The following XRCC5 variants were observed in gnomAD, a reference collection of about 807,000 sequenced individuals.
XRCC5 encodes the protein DNA repair protein Ku80.
Under a neutral mutation model 95.7 loss-of-function variants are expected in XRCC5, and 12 were observed. The observed-to-expected ratio is 0.13, with a 90% CI of 0.08 to 0.20. XRCC5 has a LOEUF of 0.20. Ranked by LOEUF, XRCC5 falls within the 10% of genes least tolerant of loss-of-function variation. The probability of loss-of-function intolerance (pLI) is 1.00; values close to 1 mark genes in which losing one functional copy is unlikely to be tolerated. For synonymous variants in XRCC5, 281 were observed against 290.3 expected, an observed-to-expected ratio of 0.97 and a Z score of 0.33; for missense variants, 595 against 873.9, an observed-to-expected ratio of 0.68 and a Z score of 4.02.
intron 9 of XRCC5, 161 bp downstream of exon 9, chr2:216,131,148 T>G (rs1696988254): frequency 1.0e-6 from 1 of 982,748 alleles, no homozygotes. Context: ...TTTTATACAT[T>G]GGGAAACTGA....
chr2:216,192,521 A>G (rs1008133067), intron 17 of XRCC5, 118 bp from the exon 18 acceptor site: 15 of 565,460 alleles, frequency 2.7e-5, no homozygotes, highest in Non-Finnish European at 3.8e-5. Context: ...AAAGAAGAAC[A>G]TTTTATTTTT....
chr2:216,186,928 A>G (rs1355812640), intron 16 of XRCC5, among the ~76,000 whole-genome samples: 7 of 152,216 alleles, frequency 4.6e-5, no homozygotes, highest in African/African-American at 1.7e-4. Flanking sequence ...TAAAAATGGC[A>G]GGGAAATGTG....
intron 12 of XRCC5, among the ~76,000 whole-genome samples, 171 bp from the exon 13 acceptor site, chr2:216,141,015 G>A (rs1234893820): frequency 1.3e-5 from 2 of 152,172 alleles, no homozygotes; most frequent in Admixed American, 1.3e-4. Flanking sequence ...ATCTTTTCAT[G>A]GATAAGAAAA....
At chr2:216,168,169 T>A (rs1028367051) in intron 16 of XRCC5, among the ~76,000 whole-genome samples, 1 of 152,154 alleles carries the variant, frequency 6.6e-6, no homozygotes, top group Non-Finnish European at 1.5e-5. Flanking sequence ...GCCTTTAAGG[T>A]GTTGTTCATC....
chr2:216,161,588 G>A (rs1387339901), intron 15 of XRCC5, among the ~76,000 whole-genome samples: 1 of 152,200 alleles, frequency 6.6e-6, no homozygotes, highest in East Asian at 1.9e-4. Context: ...ATCTTAGTGG[G>A]GCAAATCTAT....
chr2:216,148,286 T>A lies in XRCC5; in HGVS notation c.1670+10T>A. On this transcript the variant is annotated intron_variant, in intron 14 of 20. Coordinates refer to ENST00000392132, the MANE Select transcript of XRCC5 (RefSeq NM_021141.4). ...AAATTTTCCAAGACAAGTAAGTACTTGGTATAGTTGCATTTAACATTGGGG... is the reference window on the plus strand; with the variant it reads ...AAATTTTCCAAGACAAGTAAGTACTAGGTATAGTTGCATTTAACATTGGGG... 1 of 1,600,492 alleles carries A rather than the reference T, an allele frequency of 6.2e-7. No homozygotes were observed.
intron 16 of XRCC5, among the ~76,000 whole-genome samples, chr2:216,172,469 CTTT>C (rs746493174): frequency 9.3e-6 from 1 of 107,788 alleles, no homozygotes; most frequent in Non-Finnish European, 1.8e-5. Context: ...CTTTTCTTTT[CTTT>C]TTTTTTTTTT....
At chr2:216,121,465 CTG>C (rs1696809354) in intron 5 of XRCC5, among the ~76,000 whole-genome samples, 1 of 152,198 alleles carries the variant, frequency 6.6e-6, no homozygotes. Context: ...TGCCTTATTG[CTG>C]TGTCATCCCA....
At chr2:216,204,516 C>T in intron 20 of XRCC5, 120 bp downstream of exon 20, 1 of 995,902 alleles carries the variant, frequency 1.0e-6, no homozygotes, top group Non-Finnish European at 1.6e-6. Flanking sequence ...TTCCAATACA[C>T]CAGAAGCTTC....
chr2:216,125,785 G>A (rs1046058199), intron 6 of XRCC5, 132 bp from the exon 7 acceptor site: 9 of 670,918 alleles, frequency 1.3e-5, no homozygotes, highest in African/African-American at 9.0e-5. Context: ...GTTGTTTTCC[G>A]GCCATCTCCT....
chr2:216,187,576 T>C (rs1380718855), intron 16 of XRCC5, among the ~76,000 whole-genome samples: 1 of 151,414 alleles, frequency 6.6e-6, no homozygotes, highest in African/African-American at 2.4e-5. Flanking sequence ...TGGTTTTTTG[T>C]TTTGCTTTGT....
intron 13 of XRCC5, among the ~76,000 whole-genome samples, chr2:216,142,404 A>G (rs903525029): frequency 6.6e-6 from 1 of 152,216 alleles, no homozygotes; most frequent in African/African-American, 2.4e-5. Flanking sequence ...AATATAAAAA[A>G]TCTTCTGAAT....
chr2:216,197,236 T>C (rs1460533717), intron 19 of XRCC5, among the ~76,000 whole-genome samples: 1 of 152,140 alleles, frequency 6.6e-6, no homozygotes, highest in African/African-American at 2.4e-5. Flanking sequence ...TGTCTAATGA[T>C]GAAGCTATAG....
chr2:216,152,645 T>C (rs1383345992), intron 14 of XRCC5, among the ~76,000 whole-genome samples: 2 of 151,174 alleles, frequency 1.3e-5, no homozygotes, highest in South Asian at 4.2e-4. Flanking sequence ...TCCTTTTTTT[T>C]CTTGTTTTTT....
At chr2:216,142,519 G>A (rs1462870527) in intron 13 of XRCC5, among the ~76,000 whole-genome samples, 2 of 152,160 alleles carry the variant, frequency 1.3e-5, no homozygotes, top group Non-Finnish European at 2.9e-5. Flanking sequence ...GACCAAGGTT[G>A]AAGGAGAAAG....
At chr2:216,172,464 C>CTTTTTTTTTTTTTT (rs1689183461) in intron 16 of XRCC5, among the ~76,000 whole-genome samples, 2 of 70,350 alleles carry the variant, frequency 2.8e-5, no homozygotes, top group African/African-American at 6.5e-5. Flanking sequence ...ATCAGCTTTT[C>CTTTTTTTTTTTTTT]TTTTCTTTTT....
chr2:216,201,860 T>C (rs1429679300), intron 19 of XRCC5, among the ~76,000 whole-genome samples: 8 of 152,188 alleles, frequency 5.3e-5, no homozygotes, highest in Non-Finnish European at 1.2e-4. Context: ...GAGTGATATG[T>C]GGAAGAGATC....
At chr2:216,138,052 C>G (rs1173731947) in intron 11 of XRCC5, 37 bp from the exon 12 acceptor site, 1 of 1,508,732 alleles carries the variant, frequency 6.6e-7, no homozygotes, top group Non-Finnish European at 9.1e-7. Context: ...TCATTAATTT[C>G]ATCGTTTCTG....
intron 16 of XRCC5, among the ~76,000 whole-genome samples, chr2:216,188,088 A>G (rs1396517472): frequency 5.3e-5 from 8 of 151,376 alleles, no homozygotes; most frequent in Non-Finnish European, 8.8e-5. Flanking sequence ...TTCTTCCCCT[A>G]TTTCTGTCCA....
Sources: gnomAD v4.1 joint callset for allele counts (sites outside exome capture counted in the v4.1 genomes callset) on GRCh38, gnomAD v4.1.1 for gene constraint, MANE v1.5 for transcripts, NCBI Gene and HGNC (gene_info 2026-07-23, HGNC 2026-07-21) for gene names.